The following HEMK2 variants were observed in gnomAD, a reference collection of about 807,000 sequenced individuals.
The protein encoded by HEMK2 is methyltransferase HEMK2.
the HEMK2 span, among the ~76,000 whole-genome samples, chr21:28,773,694 T>C: frequency 5.3e-5 from 8 of 152,204 alleles, no homozygotes; most frequent in East Asian, 1.4e-3. Context: ...TTGCAAAGAT[T>C]AATTCAAAGA....
At chr21:28,737,385 A>T in the HEMK2 span, among the ~76,000 whole-genome samples, 813 of 152,248 alleles carry the variant, frequency 5.3e-3, 8 homozygotes, top group African/African-American at 0.019. Context: ...TCAGCCTCCC[A>T]AAGTTCTGGG....
At chr21:28,757,724 C>G in the HEMK2 span, among the ~76,000 whole-genome samples, 1 of 152,076 alleles carries the variant, frequency 6.6e-6, no homozygotes, top group Non-Finnish European at 1.5e-5. Context: ...TTGGTCAGGA[C>G]AAAAGAGTGG....
the HEMK2 span, among the ~76,000 whole-genome samples, chr21:28,650,394 CA>C: frequency 2.1e-4 from 30 of 141,266 alleles, no homozygotes; most frequent in Admixed American, 3.5e-4. Flanking sequence ...GACTCCATCT[CA>C]AAAAAAAAAA....
chr21:28,628,754 T>C, the HEMK2 span, among the ~76,000 whole-genome samples: 1 of 152,196 alleles, frequency 6.6e-6, no homozygotes, highest in Admixed American at 6.5e-5. Context: ...GCGCCCAGCC[T>C]GCAAAAGTTT....
chr21:28,666,447 C>T, the HEMK2 span, among the ~76,000 whole-genome samples: 1 of 152,186 alleles, frequency 6.6e-6, no homozygotes, highest in Admixed American at 6.5e-5. Flanking sequence ...ATCCAACATG[C>T]AAACAAGAAA....
chr21:28,674,202 G>A, the HEMK2 span, among the ~76,000 whole-genome samples: 1 of 152,244 alleles, frequency 6.6e-6, no homozygotes, highest in African/African-American at 2.4e-5. Context: ...GCAACATCAG[G>A]AAGTTACCCC....
At chr21:28,857,387 T>C in the HEMK2 span, among the ~76,000 whole-genome samples, 1 of 152,218 alleles carries the variant, frequency 6.6e-6, no homozygotes. Flanking sequence ...GATTCTTCGT[T>C]GAAAGGATGT....
the HEMK2 span, among the ~76,000 whole-genome samples, chr21:28,733,054 T>G: frequency 4.0e-5 from 6 of 151,712 alleles, no homozygotes; most frequent in Admixed American, 2.0e-4. Context: ...CTGAGGCGGG[T>G]GGATCACAAG....
At chr21:28,726,128 A>G in the HEMK2 span, among the ~76,000 whole-genome samples, 12,937 of 152,240 alleles carry the variant, frequency 0.085, 774 homozygotes, top group South Asian at 0.16. Context: ...ATTTAACTAA[A>G]TAAGAATTTA....
the HEMK2 span, among the ~76,000 whole-genome samples, chr21:28,583,519 A>C: frequency 6.6e-6 from 1 of 152,224 alleles, no homozygotes; most frequent in Non-Finnish European, 1.5e-5. Flanking sequence ...TAGACCTTGA[A>C]ATAGGGCTAC....
At chr21:28,838,457 C>T in the HEMK2 span, among the ~76,000 whole-genome samples, 2,415 of 151,856 alleles carry the variant, frequency 0.016, 55 homozygotes, top group African/African-American at 0.055. Context: ...TGGCATGAAC[C>T]CAGGAGGTGG....
chr21:28,727,204 T>C, the HEMK2 span, among the ~76,000 whole-genome samples: 2 of 152,184 alleles, frequency 1.3e-5, no homozygotes, highest in African/African-American at 4.8e-5. Flanking sequence ...GAGGTTGATT[T>C]TGTTGACACT....
chr21:28,829,564 A>G, the HEMK2 span, among the ~76,000 whole-genome samples: 3 of 152,216 alleles, frequency 2.0e-5, no homozygotes, highest in Non-Finnish European at 4.4e-5. Context: ...CAACTAAAGA[A>G]CTATGAACCA....
At chr21:28,608,628 T>C in the HEMK2 span, among the ~76,000 whole-genome samples, 7 of 152,210 alleles carry the variant, frequency 4.6e-5, no homozygotes, top group Non-Finnish European at 1.0e-4. Context: ...TTGGCTTGCT[T>C]TCTCAGCTGG....
chr21:28,643,129 C>T, the HEMK2 span, among the ~76,000 whole-genome samples: 1 of 152,190 alleles, frequency 6.6e-6, no homozygotes, highest in Non-Finnish European at 1.5e-5. Context: ...CCACAGTCCC[C>T]ACCAGTTCCT....
At chr21:28,751,993 T>C in the HEMK2 span, among the ~76,000 whole-genome samples, 191 of 152,306 alleles carry the variant, frequency 1.3e-3, 1 homozygote, top group African/African-American at 4.4e-3. Flanking sequence ...AAAATGTTTG[T>C]TTTATAGACA....
chr21:28,757,744 C>A, the HEMK2 span, among the ~76,000 whole-genome samples: 6 of 152,104 alleles, frequency 3.9e-5, no homozygotes. Context: ...GATAACAGTA[C>A]TGACTAGGAT....
chr21:28,582,403 T>C, the HEMK2 span, among the ~76,000 whole-genome samples: 1 of 152,184 alleles, frequency 6.6e-6, no homozygotes, highest in African/African-American at 2.4e-5. Context: ...TCACTTGGAA[T>C]TGAAACTTCC....
the HEMK2 span, among the ~76,000 whole-genome samples, chr21:28,587,045 T>C: frequency 6.6e-6 from 1 of 152,008 alleles, no homozygotes; most frequent in African/African-American, 2.4e-5. Flanking sequence ...TACAAAAAAC[T>C]AAATTCAAGA....
Sources: gnomAD v4.1 joint callset for allele counts (sites outside exome capture counted in the v4.1 genomes callset) on GRCh38, gnomAD v4.1.1 for gene constraint, MANE v1.5 for transcripts, NCBI Gene and HGNC (gene_info 2026-07-23, HGNC 2026-07-21) for gene names.